Variants in PTPRM observed in about 807,000 individuals in gnomAD.
PTPRM encodes the protein receptor-type tyrosine-protein phosphatase mu.
Under a neutral mutation model 186.7 loss-of-function variants are expected in PTPRM, and 47 were observed. That is an observed-to-expected ratio of 0.25 (90% confidence interval 0.20 to 0.32). The LOEUF (loss-of-function observed/expected upper bound fraction) is 0.32. PTPRM is among the 10% of genes least tolerant of loss of function. The pLI is 1.00. For synonymous variants in PTPRM, 668 were observed against 674.9 expected (o/e 0.99, Z 0.16); for missense variants, 1,494 against 1,865.0 (o/e 0.80, Z 3.66).
chr18:7,754,608 AG>A (rs1458078270), intron 1 of PTPRM, among the ~76,000 whole-genome samples: 1 of 152,168 alleles, frequency 6.6e-6, no homozygotes, highest in East Asian at 1.9e-4. Context: ...TGAGGTAACA[AG>A]TCCTTTGATT....
chr18:7,723,606 G>A (rs999255232), intron 1 of PTPRM, among the ~76,000 whole-genome samples: 2 of 152,102 alleles, frequency 1.3e-5, no homozygotes, highest in South Asian at 2.1e-4. Context: ...TGCTAGAACC[G>A]TGTAAGTTTC....
intron 4 of PTPRM, among the ~76,000 whole-genome samples, chr18:7,910,438 C>T (rs942706446): frequency 4.6e-5 from 7 of 152,146 alleles, no homozygotes; most frequent in Non-Finnish European, 8.8e-5. Flanking sequence ...GGGAGCTGCC[C>T]GAGCAAGTGG....
intron 14 of PTPRM, among the ~76,000 whole-genome samples, chr18:8,165,167 C>CAAAAA (rs59978316): frequency 9.7e-6 from 1 of 103,278 alleles, no homozygotes; most frequent in Non-Finnish European, 2.2e-5. Context: ...GACTCCATCT[C>CAAAAA]AAAAAAAAAA....
rs147348209 is a variant in PTPRM at position 8,087,337 on chromosome 18, G to A, written c.1754-1412G>A. Among the ~76,000 whole-genome samples, 30 of 152,004 alleles carry A rather than the reference G, an allele frequency of 2.0e-4. 1 individual carries two copies. In the East Asian group the frequency reaches 5.0e-3, roughly 25 times the overall value. On this transcript the variant is annotated intron_variant, in intron 10 of 32. Transcript: ENST00000580170. ...GATAAGAATTCTGATCAACATGGCC[G>A]TATTAGTCCGTTCTCACACTGCTAA... is the stretch of plus-strand genomic sequence containing the variant.
chr18:8,389,518 A>G (rs1421409250), intron 31 of PTPRM, among the ~76,000 whole-genome samples: 1 of 152,188 alleles, frequency 6.6e-6, no homozygotes, highest in Admixed American at 6.5e-5. Flanking sequence ...CTGCCTGTGC[A>G]GCATCTCTTC....
At position 7,576,903 on chromosome 18, in the gene PTPRM, A is replaced by G. The variant is rs150423471; in HGVS notation, c.73+9012A>G. ...TCAGTGTGATGTTCCATCTAGATAT[A>G]CAATTATAAGGTGGTTTAAAGCATT... On this transcript the variant is annotated intron_variant, in intron 1 of 32. Coordinates refer to ENST00000580170, the MANE Select transcript of PTPRM (RefSeq NM_001105244.2). 3.5e-4 allele frequency among the ~76,000 whole-genome samples: 53 copies of G among 152,358 alleles called. 2 individuals carry two copies. In the South Asian group the frequency reaches 0.011, roughly 30 times the overall value.
intron 13 of PTPRM, among the ~76,000 whole-genome samples, chr18:8,130,516 G>C (rs1300058438): frequency 6.6e-6 from 1 of 152,190 alleles, no homozygotes; most frequent in East Asian, 1.9e-4. Flanking sequence ...AGTCTTAAAA[G>C]AAAGATCGAC....
At chr18:7,915,363 G>A (rs1415770544) in intron 4 of PTPRM, among the ~76,000 whole-genome samples, 1 of 152,000 alleles carries the variant, frequency 6.6e-6, no homozygotes, top group Non-Finnish European at 1.5e-5. Context: ...GAGAGAGAAT[G>A]TTTCTTTTTG....
At chr18:7,594,854 A>G (rs1258709429) in intron 1 of PTPRM, among the ~76,000 whole-genome samples, 1 of 152,224 alleles carries the variant, frequency 6.6e-6, no homozygotes, top group African/African-American at 2.4e-5. Flanking sequence ...GATGATGTAT[A>G]ACTGATTTGA....
chr18:7,618,710 C>T (rs2037865801), intron 1 of PTPRM, among the ~76,000 whole-genome samples: 1 of 152,248 alleles, frequency 6.6e-6, no homozygotes, highest in South Asian at 2.1e-4. Flanking sequence ...CCCAAACCCC[C>T]GTGACATTTA....
intron 2 of PTPRM, among the ~76,000 whole-genome samples, chr18:7,874,006 G>A (rs578240531): frequency 6.6e-6 from 1 of 151,938 alleles, no homozygotes; most frequent in African/African-American, 2.4e-5. Flanking sequence ...GGGTCTCTGT[G>A]TCCTTATTGG....
At chr18:7,976,151 G>C (rs1405313899) in intron 7 of PTPRM, among the ~76,000 whole-genome samples, 3 of 152,100 alleles carry the variant, frequency 2.0e-5, no homozygotes, top group Non-Finnish European at 4.4e-5. Flanking sequence ...CCGGGAGACA[G>C]AGGGAGACTC....
At chr18:8,388,431 G>A (rs772852229) in intron 31 of PTPRM, among the ~76,000 whole-genome samples, 17 of 152,042 alleles carry the variant, frequency 1.1e-4, no homozygotes, top group Non-Finnish European at 1.8e-4. Flanking sequence ...CTCCTACCCC[G>A]GGCCTGCAAA....
chr18:7,958,913 A>G (rs2053491761), intron 7 of PTPRM, among the ~76,000 whole-genome samples: 1 of 152,204 alleles, frequency 6.6e-6, no homozygotes, highest in South Asian at 2.1e-4. Flanking sequence ...TTCTTGAAAT[A>G]ATAGTGCTTT....
At chr18:8,298,239 A>G (rs957651332) in intron 20 of PTPRM, among the ~76,000 whole-genome samples, 1 of 152,212 alleles carries the variant, frequency 6.6e-6, no homozygotes, top group Non-Finnish European at 1.5e-5. Flanking sequence ...TGTTAGAAGA[A>G]TTCAGATTTC....
intron 17 of PTPRM, among the ~76,000 whole-genome samples, chr18:8,248,852 G>T (rs2094501361): frequency 6.6e-6 from 1 of 152,152 alleles, no homozygotes. Flanking sequence ...AATGAACTAA[G>T]GTGTTAGCCC....
chr18:8,245,712 A>G (rs1371144747), intron 15 of PTPRM, among the ~76,000 whole-genome samples: 1 of 152,126 alleles, frequency 6.6e-6, no homozygotes, highest in African/African-American at 2.4e-5. Context: ...ATACATCTTC[A>G]TTTTGCAGTA....
intron 1 of PTPRM, among the ~76,000 whole-genome samples, chr18:7,736,558 C>G (rs572443117): frequency 6.6e-6 from 1 of 152,082 alleles, no homozygotes; most frequent in African/African-American, 2.4e-5. Context: ...CCTTAAAATC[C>G]GAGCTCCCCG....
intron 1 of PTPRM, among the ~76,000 whole-genome samples, chr18:7,763,281 A>G (rs926372233): frequency 1.3e-5 from 2 of 152,200 alleles, no homozygotes; most frequent in African/African-American, 4.8e-5. Context: ...AAGCCTGGAG[A>G]TGGAAGGAGC....
Sources: allele counts gnomAD v4.1 joint callset (sites outside exome capture counted in the v4.1 genomes callset), GRCh38; gene constraint gnomAD v4.1.1; transcripts MANE v1.5; gene names NCBI Gene and HGNC (gene_info 2026-07-23, HGNC 2026-07-21).